The following TAS2R1 variants were observed in gnomAD, a reference collection of about 807,000 sequenced individuals.
The protein encoded by TAS2R1 is taste receptor type 2 member 1.
For missense variants in TAS2R1, 370 were observed against 353.4 expected, an observed-to-expected ratio of 1.05 and a Z score of -0.38; for synonymous variants, 141 against 134.2, an observed-to-expected ratio of 1.05 and a Z score of -0.35.
At chr5:9,759,972 C>T in the TAS2R1 span, among the ~76,000 whole-genome samples, 1 of 152,054 alleles carries the variant, frequency 6.6e-6, no homozygotes, top group Non-Finnish European at 1.5e-5. Flanking sequence ...CACTAACCAA[C>T]AAAATGAGAG....
the TAS2R1 span, among the ~76,000 whole-genome samples, chr5:9,765,084 A>G: frequency 6.6e-6 from 1 of 152,160 alleles, no homozygotes; most frequent in African/African-American, 2.4e-5. Flanking sequence ...ACAAACACAC[A>G]CATCTAGAAA....
At chr5:9,736,705 T>C in the TAS2R1 span, among the ~76,000 whole-genome samples, 1 of 152,188 alleles carries the variant, frequency 6.6e-6, no homozygotes, top group Non-Finnish European at 1.5e-5. Context: ...GGAATCCAAA[T>C]TAAGTCAGCA....
intron 2 of TAS2R1, among the ~76,000 whole-genome samples, chr5:9,646,010 A>G (rs1170175564): frequency 1.3e-5 from 2 of 152,156 alleles, no homozygotes; most frequent in Non-Finnish European, 2.9e-5. Context: ...TAGAAAGGTA[A>G]TGATGTATTT....
At chr5:9,649,476 T>C (rs1740261578) in intron 2 of TAS2R1, among the ~76,000 whole-genome samples, 1 of 152,216 alleles carries the variant, frequency 6.6e-6, no homozygotes, top group Non-Finnish European at 1.5e-5. Flanking sequence ...AGCTACATCT[T>C]ATCTTTTCAA....
intron 1 of TAS2R1, among the ~76,000 whole-genome samples, chr5:9,683,871 T>C (rs1741075545): frequency 6.6e-6 from 1 of 152,216 alleles, no homozygotes; most frequent in Admixed American, 6.5e-5. Context: ...TTTTCCAATG[T>C]CAGCTCAAGG....
chr5:9,628,920 G>A lies in TAS2R1; in HGVS notation c.*213C>T. ...ATATCACTACCAGGATATTGAAATT[G>A]ATGTAATCCATCAACATATGTTGTG... On this transcript the variant is annotated 3_prime_UTR_variant, in exon 1 of 1. Transcript: ENST00000382492. The A allele has an allele frequency of 2.3e-6, 1 of 439,648 alleles. No individual in the cohort carries two copies. Among genetic ancestry groups the A allele is most frequent in the Non-Finnish European group, 3.9e-6 (1 of 253,318 alleles). The allele number at this position is 439,648 out of a possible 1,614,324, so 27.2% of individuals were successfully genotyped here.
chr5:9,697,608 G>C (rs1741385868), intron 1 of TAS2R1, among the ~76,000 whole-genome samples: 1 of 152,148 alleles, frequency 6.6e-6, no homozygotes, highest in Non-Finnish European at 1.5e-5. Flanking sequence ...GACTAGTTTA[G>C]TATGAGAAGA....
the TAS2R1 span, among the ~76,000 whole-genome samples, chr5:9,722,340 T>C: frequency 6.6e-6 from 1 of 151,878 alleles, no homozygotes; most frequent in Admixed American, 6.5e-5. Flanking sequence ...GCTGTCATTT[T>C]AAGCTACTAA....
At chr5:9,744,141 A>T in the TAS2R1 span, among the ~76,000 whole-genome samples, 1 of 152,100 alleles carries the variant, frequency 6.6e-6, no homozygotes, top group Non-Finnish European at 1.5e-5. Context: ...AGCTCAAGAC[A>T]CACTGCTCTC....
intron 1 of TAS2R1, among the ~76,000 whole-genome samples, chr5:9,672,892 C>A (rs1343126165): frequency 6.6e-6 from 1 of 152,120 alleles, no homozygotes; most frequent in Non-Finnish European, 1.5e-5. Flanking sequence ...ATGGAATCAA[C>A]CCAAATGCCC....
chr5:9,824,009 T>C, the TAS2R1 span, among the ~76,000 whole-genome samples: 1,030 of 152,252 alleles, frequency 6.8e-3, 2 homozygotes, highest in Non-Finnish European at 0.012. Flanking sequence ...GAGGAAAGTG[T>C]TGCCCGCCTG....
At chr5:9,710,110 A>T in intron 1 of TAS2R1, among the ~76,000 whole-genome samples, 1 of 152,280 alleles carries the variant, frequency 6.6e-6, no homozygotes, top group Admixed American at 6.5e-5. Context: ...TTTCCACAGA[A>T]CACCCAAGGC....
chr5:9,688,402 T>G (rs1469962154), intron 1 of TAS2R1, among the ~76,000 whole-genome samples: 1 of 152,150 alleles, frequency 6.6e-6, no homozygotes, highest in African/African-American at 2.4e-5. Flanking sequence ...ACATGGATGT[T>G]GTTATCTTCT....
the TAS2R1 span, among the ~76,000 whole-genome samples, chr5:9,769,768 T>C: frequency 2.0e-5 from 3 of 152,228 alleles, no homozygotes; most frequent in Admixed American, 1.3e-4. Flanking sequence ...TTGTTAGATT[T>C]TTTTTGTATA....
the TAS2R1 span, among the ~76,000 whole-genome samples, chr5:9,801,568 C>G: frequency 1.3e-5 from 2 of 152,276 alleles, no homozygotes; most frequent in African/African-American, 2.4e-5. Context: ...TTGCAGGCTC[C>G]CTGAGATGCC....
upstream of TAS2R1, chr5:9,713,365 G>A (rs571568391): frequency 6.6e-6 from 1 of 152,246 alleles, no homozygotes; most frequent in Admixed American, 6.5e-5. Flanking sequence ...AATTTAGGGG[G>A]AAACAGAAGG....
intron 2 of TAS2R1, among the ~76,000 whole-genome samples, chr5:9,648,918 T>A (rs1740251313): frequency 6.6e-6 from 1 of 152,188 alleles, no homozygotes; most frequent in South Asian, 2.1e-4. Flanking sequence ...CTCTTCCTTT[T>A]GCTCATTGCA....
the TAS2R1 span, among the ~76,000 whole-genome samples, chr5:9,778,962 A>T: frequency 6.6e-6 from 1 of 152,252 alleles, no homozygotes; most frequent in African/African-American, 2.4e-5. Flanking sequence ...CAAGAGACTT[A>T]GCTTTCAGCC....
At chr5:9,703,148 G>A (rs1741527927) in intron 1 of TAS2R1, among the ~76,000 whole-genome samples, 2 of 152,034 alleles carry the variant, frequency 1.3e-5, no homozygotes, top group South Asian at 4.2e-4. Context: ...CAGAATTAAG[G>A]GCAAATCCCT....
Sources: gnomAD v4.1 joint callset for allele counts (sites outside exome capture counted in the v4.1 genomes callset) on GRCh38, gnomAD v4.1.1 for gene constraint, MANE v1.5 for transcripts, NCBI Gene and HGNC (gene_info 2026-07-23, HGNC 2026-07-21) for gene names.